The following TRIM2 variants were observed in gnomAD, a reference collection of about 807,000 sequenced individuals.
TRIM2 encodes the protein tripartite motif-containing protein 2.
A neutral mutation model predicts 75.2 loss-of-function variants in TRIM2; 20 were observed. The observed-to-expected ratio is 0.27, with a 90% CI of 0.19 to 0.39. TRIM2 has a LOEUF of 0.39. Among genes scored for constraint, TRIM2 ranks in the 10% least tolerant of loss-of-function variants. The pLI is 1.00. For synonymous variants in TRIM2, 373 were observed against 388.3 expected (o/e 0.96, Z 0.46); for missense variants, 660 against 990.8 (o/e 0.67, Z 4.48).
At chr4:153,204,024 T>A (rs1042449067), upstream of TRIM2, among the ~76,000 whole-genome samples, 1 of 152,238 alleles carries the variant, frequency 6.6e-6, no homozygotes, top group African/African-American at 2.4e-5. Flanking sequence ...AAACTAACTT[T>A]CTTGGCCTTT....
intron 1 of TRIM2, among the ~76,000 whole-genome samples, chr4:153,183,211 C>T (rs1166402226): frequency 6.6e-6 from 1 of 152,208 alleles, no homozygotes; most frequent in Non-Finnish European, 1.5e-5. Context: ...ACACAGCTGT[C>T]GTGGTCTGCA....
chr4:153,201,215 C>T (rs757296814), upstream of TRIM2, among the ~76,000 whole-genome samples: 3 of 152,170 alleles, frequency 2.0e-5, no homozygotes, highest in Non-Finnish European at 4.4e-5. Flanking sequence ...CCACCCAACT[C>T]GGCCTCCCAA....
intron 1 of TRIM2, among the ~76,000 whole-genome samples, chr4:153,176,787 T>A (rs1372775999): frequency 6.6e-6 from 1 of 152,078 alleles, no homozygotes; most frequent in Non-Finnish European, 1.5e-5. Context: ...ATTTTTGAAT[T>A]TTTAGTAGAG....
intron 1 of TRIM2, among the ~76,000 whole-genome samples, chr4:153,198,101 A>G: frequency 6.6e-6 from 1 of 152,166 alleles, no homozygotes; most frequent in East Asian, 1.9e-4. Context: ...GCCCAAATAG[A>G]CTAAGACAAT....
At chr4:153,264,517 T>C (rs1457014559) in intron 1 of TRIM2, among the ~76,000 whole-genome samples, 1 of 150,422 alleles carries the variant, frequency 6.6e-6, no homozygotes, top group Admixed American at 6.6e-5. Flanking sequence ...GTTATGTGGG[T>C]AAGAAGGGTC....
intron 11 of TRIM2, 99 bp from the exon 12 acceptor site, chr4:153,334,715 A>C (rs1772234664): frequency 8.4e-7 from 1 of 1,187,986 alleles, no homozygotes; most frequent in East Asian, 2.4e-5. Flanking sequence ...AAAAGAAAGA[A>C]AGAAACAGAA....
chr4:153,201,208 C>T (rs1734330163), upstream of TRIM2, among the ~76,000 whole-genome samples: 1 of 152,178 alleles, frequency 6.6e-6, no homozygotes. Flanking sequence ...AGATGATCCA[C>T]CCAACTCGGC....
At chr4:153,288,006 A>G (rs1761032864) in intron 3 of TRIM2, among the ~76,000 whole-genome samples, 1 of 151,954 alleles carries the variant, frequency 6.6e-6, no homozygotes, top group African/African-American at 2.4e-5. Context: ...TAATGTGTTA[A>G]TTTTTCCTTC....
At chr4:153,160,184 C>G (rs1336818983) in intron 1 of TRIM2, among the ~76,000 whole-genome samples, 1 of 152,194 alleles carries the variant, frequency 6.6e-6, no homozygotes, top group Admixed American at 6.5e-5. Context: ...AAAATTTCCC[C>G]TGCTTTCCCT....
intron 1 of TRIM2, among the ~76,000 whole-genome samples, chr4:153,227,056 T>G (rs1378047373): frequency 1.3e-5 from 2 of 152,200 alleles, no homozygotes; most frequent in African/African-American, 2.4e-5. Flanking sequence ...TCCCTCCTGT[T>G]CTCTGAGCTC....
At chr4:153,169,304 T>G (rs1730614728) in intron 1 of TRIM2, among the ~76,000 whole-genome samples, 1 of 152,242 alleles carries the variant, frequency 6.6e-6, no homozygotes, top group Non-Finnish European at 1.5e-5. Flanking sequence ...GAAACTTTGC[T>G]GTGACTGACC....
At chr4:153,199,761 A>G (rs1356820701), upstream of TRIM2, among the ~76,000 whole-genome samples, 2 of 151,932 alleles carry the variant, frequency 1.3e-5, no homozygotes, top group Non-Finnish European at 2.9e-5. Context: ...CTTTTTATTT[A>G]TTTATTGTTT....
chr4:153,235,587 A>G (rs1237971835), intron 1 of TRIM2, among the ~76,000 whole-genome samples: 1 of 152,232 alleles, frequency 6.6e-6, no homozygotes, highest in East Asian at 1.9e-4. Flanking sequence ...TGCCCCGCCA[A>G]GTTAAGAGAA....
At chr4:153,220,282 G>GA (rs34263796) in intron 1 of TRIM2, among the ~76,000 whole-genome samples, 93,058 of 150,324 alleles carry the variant, frequency 0.62, 29,145 homozygotes, top group East Asian at 0.87. Context: ...AAAGCTTTAG[G>GA]AAAAAAAAAA....
chr4:153,331,646 T>A (rs373551917), intron 11 of TRIM2, among the ~76,000 whole-genome samples: 68 of 152,184 alleles, frequency 4.5e-4, no homozygotes, highest in African/African-American at 1.4e-3. Flanking sequence ...AAAATTTATA[T>A]GGCAAGGCAA....
chr4:153,226,320 T>C (rs1488232861), intron 1 of TRIM2, among the ~76,000 whole-genome samples: 1 of 152,256 alleles, frequency 6.6e-6, no homozygotes, highest in Non-Finnish European at 1.5e-5. Flanking sequence ...AAATGTGTTC[T>C]TGAGTCTAAA....
At chr4:153,153,511 G>A (rs1344482417) in intron 1 of TRIM2, among the ~76,000 whole-genome samples, 1 of 152,166 alleles carries the variant, frequency 6.6e-6, no homozygotes, top group Non-Finnish European at 1.5e-5. Flanking sequence ...CGCCGGGCTT[G>A]GAACCGCCCT....
intron 1 of TRIM2, among the ~76,000 whole-genome samples, chr4:153,154,802 G>A (rs567940182): frequency 6.6e-6 from 1 of 152,210 alleles, no homozygotes; most frequent in South Asian, 2.1e-4. Flanking sequence ...AAAGATTGAT[G>A]TCTGTCTGCC....
intron 6 of TRIM2, chr4:153,307,896 C>G: frequency 1.3e-6 from 1 of 749,124 alleles, no homozygotes; most frequent in Admixed American, 1.8e-5. Context: ...GACCATGATT[C>G]TGATCAGGAC....
Sources: gnomAD v4.1 joint callset for allele counts (sites outside exome capture counted in the v4.1 genomes callset) on GRCh38, gnomAD v4.1.1 for gene constraint, MANE v1.5 for transcripts, NCBI Gene and HGNC (gene_info 2026-07-23, HGNC 2026-07-21) for gene names.